APBA2: variants seen among roughly 807,000 people sequenced by gnomAD.
APBA2 encodes the protein amyloid-beta A4 precursor protein-binding family A member 2.
Under a neutral mutation model 75.0 loss-of-function variants are expected in APBA2, and 30 were observed. The observed-to-expected ratio is 0.40, with a 90% CI of 0.30 to 0.54. The LOEUF is 0.54. Ranked by LOEUF, APBA2 falls within the 20% of genes least tolerant of loss-of-function variation. APBA2 has a pLI of 0.49. For synonymous variants in APBA2, 444 were observed against 409.6 expected (o/e 1.08, Z -1.01); for missense variants, 801 against 1,016.1 (o/e 0.79, Z 2.88).
rs986659764 is a variant in APBA2 at position 29,116,057 on chromosome 15, C to T, written c.2179-1005C>T. ...AGGAGAGGAGAAGTGGGCAGTAGAG[C>T]TCCCTTTCCGTTCTTGAAGCAGACG... On this transcript the variant is annotated intron_variant, in intron 14 of 14. Coordinates refer to ENST00000683413, the MANE Select transcript of APBA2 (RefSeq NM_001353788.2). Among the ~76,000 whole-genome samples, 3 of 147,722 alleles carry T rather than the reference C, an allele frequency of 2.0e-5. No homozygotes were observed. The South Asian group carries it at 6.4e-4, about 32-fold the overall frequency.
At chr15:28,935,813 G>C (rs1341372875) in intron 2 of APBA2, among the ~76,000 whole-genome samples, 5 of 152,176 alleles carry the variant, frequency 3.3e-5, no homozygotes, top group African/African-American at 1.2e-4. Flanking sequence ...AGAAGAAAAG[G>C]CCTAATTTCT....
intron 2 of APBA2, among the ~76,000 whole-genome samples, chr15:28,940,552 C>CAAAA (rs368324458): frequency 5.3e-5 from 6 of 114,268 alleles, no homozygotes; most frequent in African/African-American, 1.5e-4. Flanking sequence ...GACTCTGTAT[C>CAAAA]AAAAAAAAAG....
intron 2 of APBA2, chr15:28,961,492 A>G (rs2036468725): frequency 6.6e-6 from 1 of 152,264 alleles, no homozygotes; most frequent in South Asian, 2.1e-4. Context: ...CAGGAAAGCC[A>G]GGGAAGCCAC....
At chr15:29,006,843 A>G (rs182984704) in intron 3 of APBA2, among the ~76,000 whole-genome samples, 1 of 152,360 alleles carries the variant, frequency 6.6e-6, no homozygotes, top group East Asian at 1.9e-4. Flanking sequence ...ATCCAAAGCA[A>G]TCTACAGATT....
intron 3 of APBA2, among the ~76,000 whole-genome samples, chr15:29,042,980 G>A (rs984811550): frequency 6.6e-6 from 1 of 152,144 alleles, no homozygotes; most frequent in African/African-American, 2.4e-5. Flanking sequence ...AGGCATCCAG[G>A]AGCAAACATG....
At chr15:28,969,364 A>G (rs533788209) in intron 2 of APBA2, among the ~76,000 whole-genome samples, 12 of 151,904 alleles carry the variant, frequency 7.9e-5, no homozygotes, top group African/African-American at 2.9e-4. Flanking sequence ...TGTTTTTAGT[A>G]GAGATGGGGT....
rs1226430101 is a variant in APBA2 at position 29,051,312 on chromosome 15, G to A, written c.-40-2533G>A. Among the ~76,000 whole-genome samples the A allele has an allele frequency of 5.3e-5, 8 of 152,236 alleles. No individual in the cohort carries two copies. The East Asian group carries it at 1.4e-3, about 26-fold the overall frequency. On this transcript the variant is annotated intron_variant, in intron 3 of 14. Coordinates refer to ENST00000683413, the MANE Select transcript of APBA2 (RefSeq NM_001353788.2). ...TTGTCCTGCCAGTTTCAGGGTTTGC[G>A]AATGGGGTGACGGGCCCTGCAGGGT...
In APBA2 at chr15:29,054,528, G is replaced by A. The variant is rs776297327; in HGVS notation, c.644G>A (p.Gly215Glu). The A allele has an allele frequency of 6.2e-7, 1 of 1,613,554 alleles. No individual in the cohort carries two copies. Among genetic ancestry groups the A allele is most frequent in the South Asian group, 1.1e-5 (1 of 90,976 alleles). ...GCCTCCCCCTACCGCCTGAGGCGTG[G>A]GGATGGGGACCTGGAGGACCAGGAG... is the stretch of plus-strand genomic sequence containing the variant. ...TGASPYRLRRGDGDLEDQEED... is the reference protein window; with the variant it reads ...TGASPYRLRREDGDLEDQEED... The change falls in exon 4 of 15, where the codon GGG (glycine) becomes GAG (glutamate). Residue 215 changes from glycine (G) to glutamate (E), a missense_variant. Gly to Glu is a moderately conservative substitution (Grantham distance 98). This residue lies in a region of APBA2 where 434 missense variants were observed against 471.6 expected (regional missense o/e 0.92). Transcript: ENST00000683413. The surrounding 1 kb of genome is among the most constrained non-coding windows in gnomAD (Gnocchi z 6.1).
intron 2 of APBA2, among the ~76,000 whole-genome samples, chr15:28,929,122 A>G (rs1180301529): frequency 6.6e-6 from 1 of 152,154 alleles, no homozygotes; most frequent in Non-Finnish European, 1.5e-5. Flanking sequence ...GGAAACTCCA[A>G]TCCTTCCCCT....
intron 3 of APBA2, among the ~76,000 whole-genome samples, chr15:29,035,493 G>A (rs1381939779): frequency 1.3e-5 from 2 of 152,128 alleles, no homozygotes; most frequent in Middle Eastern, 3.2e-3. Flanking sequence ...CTCATGTTCA[G>A]TGAGGGTGGA....
intron 1 of APBA2, among the ~76,000 whole-genome samples, chr15:28,915,555 C>T (rs2033653117): frequency 6.6e-6 from 1 of 150,570 alleles, no homozygotes; most frequent in Non-Finnish European, 1.5e-5. Context: ...ACACATCACA[C>T]CATACTCTAT....
Position 29,101,713 on chromosome 15 carries a change from G to A in APBA2, c.1453G>A (p.Glu485Lys), listed in dbSNP as rs763554780. 5 of 1,613,684 alleles carry A rather than the reference G, an allele frequency of 3.1e-6. No homozygotes were observed. The highest frequency in any genetic ancestry group is 4.5e-5 in the East Asian group (2 of 44,876). Residue 485 changes from glutamate (E) to lysine (K), a missense_variant, in exon 10 of 15, where the codon GAG (glutamate) becomes AAG (lysine). Transcript: ENST00000683413. The part of the protein sequence containing the change: ...MPRSASQDCI[E>K]TTPGAQEGKK... ...CCGGTCAGCCTCTCAGGACTGCATC[G>A]AGACCACGCCCGGGGCCCAGGAAGG...
chr15:29,019,612 G>A (rs1419063388), intron 3 of APBA2, among the ~76,000 whole-genome samples: 1 of 152,222 alleles, frequency 6.6e-6, no homozygotes, highest in African/African-American at 2.4e-5. Flanking sequence ...TGCTGCCGGA[G>A]TTGTTCAGAA....
intron 2 of APBA2, among the ~76,000 whole-genome samples, chr15:28,931,447 C>A (rs1216653358): frequency 6.6e-6 from 1 of 152,208 alleles, no homozygotes; most frequent in Non-Finnish European, 1.5e-5. Flanking sequence ...CATCCCCTAG[C>A]AAAGTGGGAC....
rs1254406576 is a variant in APBA2, at chr15:29,118,000, T to TAAAGC, written c.*869_*873dup. ...TAGAAAACGCGACCTTGGCCGCACC[T>TAAAGC]AAAGCAGCCAGCCGTGAGTGCAGAC... On this transcript the variant is annotated 3_prime_UTR_variant, in exon 15 of 15. Coordinates refer to ENST00000683413, the MANE Select transcript of APBA2 (RefSeq NM_001353788.2). 6.6e-6 allele frequency: 1 copy of TAAAGC among 152,518 alleles called. No individual in the cohort carries two copies. The allele number at this position is 152,518 out of a possible 1,614,324, so 9.4% of individuals were successfully genotyped here. A position where few individuals can be genotyped will look rare whatever the true frequency, so the allele number is the denominator to read the frequency against.
intron 3 of APBA2, among the ~76,000 whole-genome samples, chr15:29,030,213 A>C (rs891143475): frequency 6.6e-6 from 1 of 152,146 alleles, no homozygotes; most frequent in Non-Finnish European, 1.5e-5. Context: ...TAATCCCAGC[A>C]CTTTGGAAGG....
intron 2 of APBA2, among the ~76,000 whole-genome samples, chr15:28,929,695 G>A (rs984972363): frequency 6.6e-6 from 1 of 152,104 alleles, no homozygotes; most frequent in African/African-American, 2.4e-5. Flanking sequence ...TCAGTATTTG[G>A]CTTTTCGGAT....
At chr15:28,950,694 T>G (rs966826177) in intron 2 of APBA2, among the ~76,000 whole-genome samples, 1 of 151,118 alleles carries the variant, frequency 6.6e-6, no homozygotes, top group Admixed American at 6.6e-5. Context: ...TGGAAGGAGG[T>G]CGATGTGCAG....
intron 13 of APBA2, 56 bp downstream of exon 13, chr15:29,108,445 G>A: frequency 6.2e-7 from 1 of 1,612,786 alleles, no homozygotes; most frequent in Non-Finnish European, 8.5e-7. Context: ...CCAGGGAGGG[G>A]GAGCAGCTCC....
Sources: allele counts gnomAD v4.1 joint callset (sites outside exome capture counted in the v4.1 genomes callset), GRCh38; gene constraint gnomAD v4.1.1; regional missense constraint gnomAD v4.1.1; non-coding constraint Gnocchi (gnomAD v3.1); transcripts MANE v1.5; gene names NCBI Gene and HGNC (gene_info 2026-07-23, HGNC 2026-07-21).